The following POU2F3 variants were observed in gnomAD, a reference collection of about 807,000 sequenced individuals.
The protein encoded by POU2F3 is POU domain, class 2, transcription factor 3.
POU2F3 carries 23 observed loss-of-function variants against 59.2 expected under a neutral mutation model. The observed-to-expected ratio is 0.39, with a 90% CI of 0.28 to 0.55. The LOEUF is 0.55. Among genes scored for constraint, POU2F3 ranks in the 20% least tolerant of loss-of-function variants. POU2F3 has a pLI of 0.66. For missense variants in POU2F3, 473 were observed against 544.5 expected, an observed-to-expected ratio of 0.87 and a Z score of 1.31; for synonymous variants, 190 against 214.6, an observed-to-expected ratio of 0.89 and a Z score of 1.00.
intron 3 of POU2F3, among the ~76,000 whole-genome samples, chr11:120,274,108 A>AAAGGAAGGAAGGAAGGAAGGAAGGAAGG (rs58202053): frequency 2.6e-5 from 3 of 116,156 alleles, no homozygotes; most frequent in Non-Finnish European, 5.4e-5. Flanking sequence ...AGGAAGGAAG[A>AAAGGAAGGAAGGAAGGAAGGAAGGAAGG]AAGGAAGGAA....
chr11:120,278,806 C>T (rs1940442494), intron 3 of POU2F3, among the ~76,000 whole-genome samples: 1 of 152,084 alleles, frequency 6.6e-6, no homozygotes, highest in Admixed American at 6.5e-5. Flanking sequence ...GAAGAAATAC[C>T]TGATAAAATG....
chr11:120,303,870 G>T (rs1941411031), intron 6 of POU2F3: 1 of 152,292 alleles, frequency 6.6e-6, no homozygotes, highest in East Asian at 1.9e-4. Flanking sequence ...AGAAGAGGTG[G>T]ATTTAGCCCT....
intron 2 of POU2F3, among the ~76,000 whole-genome samples, chr11:120,248,565 G>A (rs1591373377): frequency 6.6e-6 from 1 of 152,172 alleles, no homozygotes; most frequent in Admixed American, 6.5e-5. Context: ...AGCCCGGAAG[G>A]TTGGTTTTGC....
At chr11:120,250,194 C>T (rs1381345200) in intron 2 of POU2F3, 1 of 152,292 alleles carries the variant, frequency 6.6e-6, no homozygotes, top group Non-Finnish European at 1.5e-5. Flanking sequence ...CTGGTTTTCT[C>T]CCCATTCCTT....
At chr11:120,283,945 AG>A (rs77689839) in intron 3 of POU2F3, among the ~76,000 whole-genome samples, 43,303 of 151,834 alleles carry the variant, frequency 0.29, 7,977 homozygotes, top group East Asian at 0.85. Flanking sequence ...AAATGCATGG[AG>A]GCAAGCGGAT....
chr11:120,302,519 C>A, intron 6 of POU2F3, 151 bp downstream of exon 6: 1 of 638,668 alleles, frequency 1.6e-6, no homozygotes, highest in Non-Finnish European at 2.6e-6. Context: ...AGGGGAAATC[C>A]AAGCTACAGC....
intron 9 of POU2F3, among the ~76,000 whole-genome samples, chr11:120,308,701 G>A (rs1941565823): frequency 6.6e-6 from 1 of 151,978 alleles, no homozygotes; most frequent in Non-Finnish European, 1.5e-5. Context: ...ACTTTGGGAG[G>A]CCGAGGCAGG....
In POU2F3 at chr11:120,309,622, T is replaced by C. The variant is rs371684628; in HGVS notation, c.1068+36T>C. ...AGGAACCAAGCTGTCTGCCAAGCACTGGAGGGACATGATGCTTGGAGGGGA... is the reference window on the plus strand; with the variant it reads ...AGGAACCAAGCTGTCTGCCAAGCACCGGAGGGACATGATGCTTGGAGGGGA... On this transcript the variant is annotated intron_variant, in intron 10 of 12. Coordinates refer to ENST00000543440, the MANE Select transcript of POU2F3 (RefSeq NM_014352.4). The C allele has an allele frequency of 3.8e-6, 6 of 1,598,930 alleles. No homozygotes were observed. In the African/African-American group the frequency reaches 5.4e-5, roughly 14 times the overall value.
intron 2 of POU2F3, among the ~76,000 whole-genome samples, chr11:120,264,505 G>A (rs918102342): frequency 5.9e-5 from 9 of 152,180 alleles, no homozygotes; most frequent in African/African-American, 2.2e-4. Flanking sequence ...GGTAGAAGAG[G>A]AGGAGAGAAG....
chr11:120,272,357 C>T (rs1325164885), intron 3 of POU2F3, among the ~76,000 whole-genome samples: 1 of 152,200 alleles, frequency 6.6e-6, no homozygotes, highest in Non-Finnish European at 1.5e-5. Context: ...TGCACCTGCC[C>T]TGCTCCCTGT....
At chr11:120,298,681 A>C (rs1941259737) in intron 4 of POU2F3, among the ~76,000 whole-genome samples, 2 of 152,174 alleles carry the variant, frequency 1.3e-5, no homozygotes, top group African/African-American at 4.8e-5. Context: ...GGGGAATCCT[A>C]GGTTGACAGC....
At chr11:120,250,184 C>T (rs931118885) in intron 2 of POU2F3, 5 of 152,238 alleles carry the variant, frequency 3.3e-5, no homozygotes, top group African/African-American at 1.2e-4. Flanking sequence ...ATCCTTTTTC[C>T]TGGTTTTCTC....
At position 120,318,605 on chromosome 11, in the gene POU2F3, C is replaced by T; in HGVS notation, c.*213C>T. The T allele has an allele frequency of 7.3e-6, 4 of 547,340 alleles. No individual in the cohort carries two copies. The South Asian group carries it at 1.1e-4, about 14-fold the overall frequency. The allele number at this position is 547,340 out of a possible 1,614,324, so 33.9% of individuals were successfully genotyped here. On this transcript the variant is annotated 3_prime_UTR_variant, in exon 13 of 13. Coordinates refer to ENST00000543440, the MANE Select transcript of POU2F3 (RefSeq NM_014352.4). ...GCAGACTCCTAATGCTCTTGAAATA[C>T]ACAGCCCCTCCTAGGAGCTTACCAT...
intron 2 of POU2F3, among the ~76,000 whole-genome samples, chr11:120,250,569 C>T (rs1939053629): frequency 6.6e-6 from 1 of 152,232 alleles, no homozygotes; most frequent in Non-Finnish European, 1.5e-5. Context: ...CCCAAGCTCC[C>T]ATACCTAGAG....
At chr11:120,252,751 C>T (rs1285720541) in intron 2 of POU2F3, among the ~76,000 whole-genome samples, 1 of 152,186 alleles carries the variant, frequency 6.6e-6, no homozygotes, top group Non-Finnish European at 1.5e-5. Flanking sequence ...CAGATACTTT[C>T]TCATCCATAG....
chr11:120,236,701 G>T, upstream of POU2F3: 4 of 1,502,158 alleles, frequency 2.7e-6, no homozygotes, highest in Non-Finnish European at 3.6e-6. Flanking sequence ...TGCTAAAGGA[G>T]GAAGGGGTAA....
intron 3 of POU2F3, among the ~76,000 whole-genome samples, chr11:120,284,224 G>C (rs1223738257): frequency 2.0e-5 from 3 of 152,154 alleles, no homozygotes; most frequent in African/African-American, 7.2e-5. Flanking sequence ...TGCACGGTTG[G>C]ATTATTGGGC....
At position 120,240,174 on chromosome 11, in the gene POU2F3, G is replaced by C. The variant is rs1429644470; in HGVS notation, c.-170G>C. On this transcript the variant is annotated 5_prime_UTR_variant, in exon 1 of 13. Coordinates refer to ENST00000543440, the MANE Select transcript of POU2F3 (RefSeq NM_014352.4). ...ATCCTGGCGGCGCCGAGTGTTGCCC[G>C]GGCCGGAGCAGCGGAGCGCGCGACA... is the stretch of plus-strand genomic sequence containing the variant. 68 of 1,218,926 alleles carry C rather than the reference G, an allele frequency of 5.6e-5. No homozygotes were observed. The highest frequency in any genetic ancestry group is 6.9e-5 in the Non-Finnish European group (67 of 973,820). The allele number at this position is 1,218,926 out of a possible 1,614,324, so 75.5% of individuals were successfully genotyped here.
intron 2 of POU2F3, among the ~76,000 whole-genome samples, chr11:120,264,602 C>A (rs1939750870): frequency 6.6e-6 from 1 of 152,190 alleles, no homozygotes; most frequent in Admixed American, 6.5e-5. Flanking sequence ...GTGTCTGGAA[C>A]CCAGCTCTGC....
Sources: gnomAD v4.1 joint callset for allele counts (sites outside exome capture counted in the v4.1 genomes callset) on GRCh38, gnomAD v4.1.1 for gene constraint, MANE v1.5 for transcripts, NCBI Gene and HGNC (gene_info 2026-07-23, HGNC 2026-07-21) for gene names.